Variants in FHIT observed in about 807,000 individuals in gnomAD.
FHIT encodes fragile histidine triad diadenosine triphosphatase.
FHIT carries 19 observed loss-of-function variants against 17.9 expected under a neutral mutation model. The ratio of observed to expected loss-of-function variants is 1.06; its 90% CI spans 0.74 to 1.56. The LOEUF (loss-of-function observed/expected upper bound fraction) is 1.56, where lower values mean the gene tolerates loss of function less well. FHIT is among the 40% of genes most tolerant of loss of function. FHIT has a pLI of 0.00. For missense variants in FHIT, 248 were observed against 189.2 expected, an observed-to-expected ratio of 1.31 and a Z score of -1.82; for synonymous variants, 81 against 69.7, an observed-to-expected ratio of 1.16 and a Z score of -0.81.
intron 7 of FHIT, among the ~76,000 whole-genome samples, chr3:59,939,631 T>C (rs948255262): frequency 7.9e-5 from 12 of 152,216 alleles, no homozygotes; most frequent in Admixed American, 4.6e-4. Flanking sequence ...AATGAATGTG[T>C]CTTCTAGGCG....
In FHIT at chr3:60,275,808, G is replaced by A. The variant is rs1025096704; in HGVS notation, c.103+261052C>T. 5.3e-5 allele frequency among the ~76,000 whole-genome samples: 8 copies of A among 152,004 alleles called. No homozygotes were observed. In the East Asian group the frequency reaches 9.6e-4, roughly 18 times the overall value. On this transcript the variant is annotated intron_variant, in intron 5 of 9. Coordinates refer to ENST00000492590, the MANE Select transcript of FHIT (RefSeq NM_002012.4). ...ATTCTATCTTCTCATGTGGTCTTTC[G>A]GCATCAGTCCTATCCTACACAATAA...
intron 3 of FHIT, among the ~76,000 whole-genome samples, chr3:60,873,828 G>T (rs1553755661): frequency 6.6e-6 from 1 of 152,084 alleles, no homozygotes; most frequent in Admixed American, 6.6e-5. Context: ...CAACAGCAAA[G>T]CCCTTTACAA....
chr3:60,349,148 T>G (rs1358213919), intron 5 of FHIT, among the ~76,000 whole-genome samples: 1 of 152,184 alleles, frequency 6.6e-6, no homozygotes, highest in African/African-American at 2.4e-5. Context: ...TTAAAGTAAC[T>G]AATAAAAAAT....
chr3:61,094,643 G>C (rs1035702249), intron 2 of FHIT, among the ~76,000 whole-genome samples: 4 of 152,176 alleles, frequency 2.6e-5, no homozygotes, highest in African/African-American at 9.7e-5. Context: ...GATAGCTAAT[G>C]ATAAAATAGA....
At chr3:59,966,044 T>C (rs946364216) in intron 7 of FHIT, among the ~76,000 whole-genome samples, 2 of 152,188 alleles carry the variant, frequency 1.3e-5, no homozygotes, top group African/African-American at 2.4e-5. Context: ...TAAGTAAACA[T>C]GGCCACATGC....
intron 5 of FHIT, among the ~76,000 whole-genome samples, chr3:60,219,146 T>C (rs28635962): frequency 0.036 from 5,462 of 152,192 alleles, 295 homozygotes; most frequent in African/African-American, 0.12. Context: ...AATTATCTAA[T>C]TTCCTACTGC....
At chr3:60,955,949 T>C (rs1423900539) in intron 3 of FHIT, among the ~76,000 whole-genome samples, 7 of 152,232 alleles carry the variant, frequency 4.6e-5, no homozygotes, top group African/African-American at 1.7e-4. Flanking sequence ...TTTTAGCTGA[T>C]TCTGAGTCAA....
intron 5 of FHIT, among the ~76,000 whole-genome samples, chr3:60,219,901 C>T (rs1703882133): frequency 6.6e-6 from 1 of 152,132 alleles, no homozygotes; most frequent in Admixed American, 6.5e-5. Context: ...CCTGGATCTG[C>T]CTTACGTGAG....
intron 5 of FHIT, among the ~76,000 whole-genome samples, chr3:60,321,023 A>G (rs553333935): frequency 5.9e-5 from 9 of 152,320 alleles, no homozygotes; most frequent in African/African-American, 1.9e-4. Context: ...AAAACAGTAA[A>G]AGGTCTTTGA....
chr3:60,520,798 CCT>C (rs371190425), intron 5 of FHIT, among the ~76,000 whole-genome samples: 62 of 152,158 alleles, frequency 4.1e-4, no homozygotes, highest in African/African-American at 1.5e-3. Context: ...ATCTAAACCC[CCT>C]GAGGGTTTAA....
At chr3:60,548,483 C>A (rs1273864805) in intron 4 of FHIT, among the ~76,000 whole-genome samples, 1 of 152,134 alleles carries the variant, frequency 6.6e-6, no homozygotes, top group South Asian at 2.1e-4. Flanking sequence ...CCTAAGAAAC[C>A]AAGCTCATGA....
At chr3:60,632,976 G>C (rs2039486198) in intron 4 of FHIT, among the ~76,000 whole-genome samples, 1 of 152,178 alleles carries the variant, frequency 6.6e-6, no homozygotes, top group Admixed American at 6.5e-5. Flanking sequence ...TAGGTATCTT[G>C]TGAGCAAAAG....
intron 2 of FHIT, among the ~76,000 whole-genome samples, chr3:61,044,474 G>A (rs953918398): frequency 1.1e-4 from 17 of 152,128 alleles, no homozygotes; most frequent in Admixed American, 2.6e-4. Flanking sequence ...CAAGTAATAC[G>A]GGACTATGTG....
chr3:60,040,199 A>G (rs1346171402), intron 5 of FHIT, among the ~76,000 whole-genome samples: 1 of 152,030 alleles, frequency 6.6e-6, no homozygotes, highest in Admixed American at 6.6e-5. Context: ...AGGCTGGAGT[A>G]CAATGATGTG....
intron 4 of FHIT, among the ~76,000 whole-genome samples, chr3:60,710,988 C>T (rs1246573796): frequency 1.3e-5 from 2 of 152,014 alleles, no homozygotes; most frequent in Admixed American, 1.3e-4. Flanking sequence ...GGTCCCTGAC[C>T]CCTGACCCCC....
chr3:60,368,992 C>T (rs182072110), intron 5 of FHIT, among the ~76,000 whole-genome samples: 1 of 150,682 alleles, frequency 6.6e-6, no homozygotes, highest in African/African-American at 2.4e-5. Context: ...TTTTTTTTTC[C>T]TGAGACCGCT....
chr3:60,357,384 C>A (rs996847580), intron 5 of FHIT, among the ~76,000 whole-genome samples: 2 of 151,956 alleles, frequency 1.3e-5, no homozygotes, highest in African/African-American at 4.8e-5. Context: ...GCTGGGATTA[C>A]AGGCACCCAT....
chr3:60,179,020 T>C (rs1297023740), intron 5 of FHIT, among the ~76,000 whole-genome samples: 1 of 152,150 alleles, frequency 6.6e-6, no homozygotes, highest in Non-Finnish European at 1.5e-5. Flanking sequence ...AATTACACTA[T>C]AAGACTCTTA....
At chr3:60,453,742 AC>A (rs2031902783) in intron 5 of FHIT, among the ~76,000 whole-genome samples, 1 of 152,232 alleles carries the variant, frequency 6.6e-6, no homozygotes, top group South Asian at 2.1e-4. Flanking sequence ...CAAATCTGGC[AC>A]ATAGTATATG....
Sources: allele counts gnomAD v4.1 joint callset (sites outside exome capture counted in the v4.1 genomes callset), GRCh38; gene constraint gnomAD v4.1.1; transcripts MANE v1.5; gene names NCBI Gene and HGNC (gene_info 2026-07-23, HGNC 2026-07-21).